TSPAN11: variants seen among roughly 807,000 people sequenced by gnomAD.
TSPAN11 encodes tetraspanin 11, also known as tetraspanin-11.
Under a neutral mutation model 32.9 loss-of-function variants are expected in TSPAN11, and 29 were observed. The observed-to-expected ratio is 0.88, with a 90% CI of 0.66 to 1.20. TSPAN11 has a LOEUF of 1.20. TSPAN11 is among the 50% of genes most tolerant of loss of function. The pLI is 0.00. For synonymous variants in TSPAN11, 140 were observed against 141.3 expected (o/e 0.99, Z 0.07); for missense variants, 283 against 329.1 (o/e 0.86, Z 1.08).
chr12:30,980,878 G>A (rs2140305170), intron 5 of TSPAN11, among the ~76,000 whole-genome samples: 1 of 152,290 alleles, frequency 6.6e-6, no homozygotes, highest in South Asian at 2.1e-4. Flanking sequence ...CCACTCACTG[G>A]GCCTCACCTG....
intron 3 of TSPAN11, among the ~76,000 whole-genome samples, chr12:30,976,996 A>G (rs1938986845): frequency 6.6e-6 from 1 of 152,222 alleles, no homozygotes; most frequent in Admixed American, 6.5e-5. Context: ...TGATGGGGCT[A>G]GGCCTGACAC....
chr12:30,929,249 G>C (rs147557435), intron 1 of TSPAN11, among the ~76,000 whole-genome samples: 1 of 152,146 alleles, frequency 6.6e-6, no homozygotes. Flanking sequence ...TAATAGTACC[G>C]CAACTGGAAG....
chr12:30,957,266 G>A (rs1938502025), intron 2 of TSPAN11, among the ~76,000 whole-genome samples: 1 of 131,856 alleles, frequency 7.6e-6, no homozygotes, highest in Non-Finnish European at 1.6e-5. Flanking sequence ...CTGCCCCTCT[G>A]TGCTGCCAGG....
intron 1 of TSPAN11, among the ~76,000 whole-genome samples, chr12:30,941,482 C>T (rs1357685867): frequency 6.6e-6 from 1 of 152,204 alleles, no homozygotes; most frequent in East Asian, 1.9e-4. Flanking sequence ...TTTACCCAAC[C>T]CAGTAAGGAG....
intron 3 of TSPAN11, among the ~76,000 whole-genome samples, chr12:30,970,599 C>A (rs1565798955): frequency 6.6e-6 from 1 of 152,216 alleles, no homozygotes; most frequent in South Asian, 2.1e-4. Context: ...GCCCTGGCCC[C>A]CTTTTCTGCT....
chr12:30,961,554 A>G (rs575863143), intron 2 of TSPAN11, among the ~76,000 whole-genome samples: 1 of 152,094 alleles, frequency 6.6e-6, no homozygotes, highest in East Asian at 1.9e-4. Context: ...CTTGTTTTCT[A>G]AAGAGATGAC....
chr12:30,973,986 T>C (rs1938906993), intron 3 of TSPAN11, among the ~76,000 whole-genome samples: 1 of 152,146 alleles, frequency 6.6e-6, no homozygotes, highest in Non-Finnish European at 1.5e-5. Context: ...GTACCTGGCC[T>C]CATGGAATTC....
At chr12:30,943,532 T>G (rs1938208329) in intron 1 of TSPAN11, among the ~76,000 whole-genome samples, 1 of 152,236 alleles carries the variant, frequency 6.6e-6, no homozygotes. Context: ...AATCAAAATC[T>G]TGTTGGTAGC....
In TSPAN11 at chr12:30,926,748, A is replaced by C. The variant is rs1937801791; in HGVS notation, c.-60A>C. The C allele has an allele frequency of 3.8e-6, 1 of 263,744 alleles. No homozygotes were observed. The allele number at this position is 263,744 out of a possible 1,614,324, so 16.3% of individuals were successfully genotyped here. On this transcript the variant is annotated 5_prime_UTR_variant, in exon 1 of 8. Transcript: ENST00000546076. ...GGCGGCCCCGGGAGCCGCCGCTCTC[A>C]GTCTCTCTAGGCGCAGCTCCCTTCG... is the stretch of plus-strand genomic sequence containing the variant.
intron 1 of TSPAN11, among the ~76,000 whole-genome samples, chr12:30,929,631 A>G (rs1937876233): frequency 6.6e-6 from 1 of 152,154 alleles, no homozygotes; most frequent in African/African-American, 2.4e-5. Context: ...CCTCACCCCC[A>G]GTAGATGTCC....
At chr12:30,935,994 G>A (rs986162640) in intron 1 of TSPAN11, among the ~76,000 whole-genome samples, 3 of 152,346 alleles carry the variant, frequency 2.0e-5, no homozygotes, top group African/African-American at 7.2e-5. Context: ...CTAAATGGAT[G>A]CTTATTCCCT....
At chr12:30,944,275 G>T (rs946342022) in intron 1 of TSPAN11, among the ~76,000 whole-genome samples, 1 of 151,924 alleles carries the variant, frequency 6.6e-6, no homozygotes, top group African/African-American at 2.4e-5. Flanking sequence ...GTATTTTTCA[G>T]GAATACAATA....
intron 3 of TSPAN11, among the ~76,000 whole-genome samples, chr12:30,968,390 C>A (rs1592484367): frequency 6.6e-6 from 1 of 152,256 alleles, no homozygotes; most frequent in African/African-American, 2.4e-5. Flanking sequence ...CTCAAAGTCA[C>A]TTTCCCAAGA....
At chr12:30,927,666 G>A (rs973741421) in intron 1 of TSPAN11, among the ~76,000 whole-genome samples, 1 of 152,174 alleles carries the variant, frequency 6.6e-6, no homozygotes, top group Non-Finnish European at 1.5e-5. Context: ...GTGTGGGGGA[G>A]CGTGAAGAAG....
intron 1 of TSPAN11, among the ~76,000 whole-genome samples, chr12:30,950,605 C>T (rs1036630115): frequency 6.6e-6 from 1 of 152,164 alleles, no homozygotes; most frequent in African/African-American, 2.4e-5. Flanking sequence ...AAACATGTAG[C>T]TGAAAGAAAC....
chr12:30,967,675 T>C (rs977477642), intron 3 of TSPAN11, among the ~76,000 whole-genome samples: 3 of 88,188 alleles, frequency 3.4e-5, no homozygotes, highest in African/African-American at 1.3e-4. Flanking sequence ...CACACATTCG[T>C]GCACACACAT....
intron 1 of TSPAN11, among the ~76,000 whole-genome samples, chr12:30,934,918 A>T (rs966176432): frequency 6.6e-6 from 1 of 151,970 alleles, no homozygotes; most frequent in Non-Finnish European, 1.5e-5. Flanking sequence ...GCCCCCTGAA[A>T]CCTAGGCCTC....
At chr12:30,950,779 C>G (rs1938366392) in intron 1 of TSPAN11, among the ~76,000 whole-genome samples, 1 of 152,126 alleles carries the variant, frequency 6.6e-6, no homozygotes, top group African/African-American at 2.4e-5. Flanking sequence ...TGCTTGAGCT[C>G]CAGCCATAAC....
chr12:30,939,971 A>T (rs1396802858), intron 1 of TSPAN11, among the ~76,000 whole-genome samples: 2 of 152,234 alleles, frequency 1.3e-5, no homozygotes, highest in Non-Finnish European at 2.9e-5. Flanking sequence ...CTGAAATTGG[A>T]AAACGAGAGA....
Sources: gnomAD v4.1 joint callset for allele counts (sites outside exome capture counted in the v4.1 genomes callset) on GRCh38, gnomAD v4.1.1 for gene constraint, MANE v1.5 for transcripts, NCBI Gene and HGNC (gene_info 2026-07-23, HGNC 2026-07-21) for gene names.